Variants in BOLL observed in about 807,000 individuals in gnomAD.
The protein encoded by BOLL is protein boule-like.
A neutral mutation model predicts 44.4 loss-of-function variants in BOLL; 23 were observed. That is an observed-to-expected ratio of 0.52 (90% confidence interval 0.37 to 0.73). The LOEUF (loss-of-function observed/expected upper bound fraction) is 0.73, where lower values mean the gene tolerates loss of function less well. BOLL is among the 30% of genes least tolerant of loss of function. The pLI is 0.00. For synonymous variants in BOLL, 97 were observed against 110.8 expected, an observed-to-expected ratio of 0.88 and a Z score of 0.78; for missense variants, 287 against 338.3, an observed-to-expected ratio of 0.85 and a Z score of 1.19.
chr2:197,759,235 C>A (rs1255014912), intron 7 of BOLL, among the ~76,000 whole-genome samples: 1 of 152,166 alleles, frequency 6.6e-6, no homozygotes, highest in Non-Finnish European at 1.5e-5. Flanking sequence ...CACCCAGCCT[C>A]TGCAAACCCT....
In BOLL at chr2:197,780,202, A is replaced by G. The variant is rs183881607; in HGVS notation, c.130-1136T>C. 3.7e-3 allele frequency among the ~76,000 whole-genome samples: 565 copies of G among 152,186 alleles called. 3 individuals are homozygous for G. Among genetic ancestry groups the G allele is most frequent in the African/African-American group, 0.013 (542 of 41,560 alleles). ...TTCTTTAGTGACAAAGAGACAGTCAAGAAAAGTAAGCATTAAGAGGGATAG... is the reference window on the plus strand; with the variant it reads ...TTCTTTAGTGACAAAGAGACAGTCAGGAAAAGTAAGCATTAAGAGGGATAG... On this transcript the variant is annotated intron_variant, in intron 2 of 10. Transcript: ENST00000392296.
At chr2:197,746,399 T>G (rs1026627650) in intron 9 of BOLL, among the ~76,000 whole-genome samples, 1 of 152,300 alleles carries the variant, frequency 6.6e-6, no homozygotes, top group African/African-American at 2.4e-5. Flanking sequence ...TCAACCTTAG[T>G]GTCCATCAAT....
At chr2:197,758,947 C>T in intron 7 of BOLL, 1 of 1,535,776 alleles carries the variant, frequency 6.5e-7, no homozygotes, top group Non-Finnish European at 8.7e-7. Context: ...CTGACCTCAT[C>T]ACATTTGGTA....
intron 9 of BOLL, among the ~76,000 whole-genome samples, chr2:197,750,325 C>T (rs779041891): frequency 7.2e-5 from 11 of 152,072 alleles, no homozygotes; most frequent in African/African-American, 1.4e-4. Context: ...ATGGGCTAAA[C>T]GCCCCAATTA....
At chr2:197,742,863 C>T (rs1191779622) in intron 10 of BOLL, among the ~76,000 whole-genome samples, 198 bp downstream of exon 10, 1 of 151,744 alleles carries the variant, frequency 6.6e-6, no homozygotes, top group Non-Finnish European at 1.5e-5. Context: ...TTTTAAGTTG[C>T]ATATATTACC....
chr2:197,762,726 T>C (rs539083032), intron 7 of BOLL, among the ~76,000 whole-genome samples: 3 of 152,096 alleles, frequency 2.0e-5, no homozygotes, highest in Non-Finnish European at 4.4e-5. Context: ...GACACAACAG[T>C]AGCAGTATTA....
In BOLL at chr2:197,761,633, A is replaced by G. The variant is rs115055076; in HGVS notation, c.553-4233T>C. ...ATAACCCTGAATGCAAATGGGTTAA[A>G]TTCTCCATTTAAAAGATAGAGACTA... On this transcript the variant is annotated intron_variant, in intron 7 of 10. Coordinates refer to ENST00000392296, the MANE Select transcript of BOLL (RefSeq NM_033030.6). Among the ~76,000 whole-genome samples the G allele has an allele frequency of 4.0e-3, 611 of 152,310 alleles. 3 individuals carry two copies. Among genetic ancestry groups the G allele is most frequent in the African/African-American group, 0.014 (588 of 41,566 alleles).
At chr2:197,731,996 C>A (rs1484377982) in intron 10 of BOLL, among the ~76,000 whole-genome samples, 1 of 149,864 alleles carries the variant, frequency 6.7e-6, no homozygotes. Context: ...ACAAAAAACC[C>A]TTCAAAAAAT....
rs1395749494 is a variant in BOLL, at chr2:197,781,605, C to A, written c.129+117G>T. 1.6e-5 allele frequency: 17 copies of A among 1,064,152 alleles called. No homozygotes were observed. The Admixed American group carries it at 4.5e-4, about 28-fold the overall frequency. The allele number at this position is 1,064,152 out of a possible 1,614,324, so 65.9% of individuals were successfully genotyped here. A position where few individuals can be genotyped will look rare whatever the true frequency, so the allele number is the denominator to read the frequency against. On this transcript the variant is annotated intron_variant, in intron 2 of 10. Transcript: ENST00000392296. ...AAAGATTCTTTATAATAAGATAATTCAAAATCTGTTAATCATTATGCAAAT... is the reference window on the plus strand; with the variant it reads ...AAAGATTCTTTATAATAAGATAATTAAAAATCTGTTAATCATTATGCAAAT...
chr2:197,771,958 C>A lies in BOLL; in HGVS notation c.377G>T (p.Gly126Val). The change falls in exon 6 of 11, where the codon GGA becomes GTA. Residue 126 changes from glycine (G) to valine (V), a missense_variant. Transcript: ENST00000392296. ...IPRSSIMPAA[G>V]TMYLTTSTGY... ...AGTTGAAGTTGTTAGATACATTGTTCCAGCTGCTGGCATTATACTAGAACC... is the reference window on the plus strand; with the variant it reads ...AGTTGAAGTTGTTAGATACATTGTTACAGCTGCTGGCATTATACTAGAACC... 3 of 1,586,710 alleles carry A rather than the reference C, an allele frequency of 1.9e-6. No individual in the cohort carries two copies. Among genetic ancestry groups the A allele is most frequent in the South Asian group, 1.1e-5 (1 of 87,140 alleles).
At chr2:197,772,619 T>C (rs1689318449) in intron 5 of BOLL, among the ~76,000 whole-genome samples, 2 of 151,944 alleles carry the variant, frequency 1.3e-5, no homozygotes, top group Non-Finnish European at 2.9e-5. Context: ...TGACCGCAAG[T>C]CTTCATGTGG....
At chr2:197,784,821 C>T (rs1242100273) in intron 1 of BOLL, 19 of 987,428 alleles carry the variant, frequency 1.9e-5, no homozygotes, top group Non-Finnish European at 2.3e-5. Flanking sequence ...AGTTAAACAA[C>T]AAAGAAAGCC....
At chr2:197,740,312 C>T (rs1687673075) in intron 10 of BOLL, among the ~76,000 whole-genome samples, 1 of 152,090 alleles carries the variant, frequency 6.6e-6, no homozygotes, top group South Asian at 2.1e-4. Context: ...ACTATGCCTA[C>T]CTTCCTCACC....
intron 9 of BOLL, among the ~76,000 whole-genome samples, chr2:197,754,405 C>T (rs182883690): frequency 1.6e-4 from 25 of 152,066 alleles, no homozygotes; most frequent in African/African-American, 5.1e-4. Context: ...ATGTAAAACC[C>T]GAAACTATAG....
chr2:197,769,777 G>A (rs1689155238), intron 6 of BOLL, among the ~76,000 whole-genome samples: 1 of 152,032 alleles, frequency 6.6e-6, no homozygotes, highest in East Asian at 1.9e-4. Context: ...AAAATACCTA[G>A]GAATCCAACT....
At chr2:197,733,137 A>G (rs1687289802) in intron 10 of BOLL, among the ~76,000 whole-genome samples, 1 of 133,784 alleles carries the variant, frequency 7.5e-6, no homozygotes, top group Non-Finnish European at 1.6e-5. Flanking sequence ...ATCAATGTAC[A>G]AAAATCACAA....
At chr2:197,731,221 C>T (rs1250909712) in intron 10 of BOLL, among the ~76,000 whole-genome samples, 1 of 151,764 alleles carries the variant, frequency 6.6e-6, no homozygotes, top group African/African-American at 2.4e-5. Context: ...CAAAGAAGGC[C>T]ATTACATAAT....
chr2:197,752,574 T>C (rs546058426), intron 9 of BOLL, among the ~76,000 whole-genome samples: 102 of 152,236 alleles, frequency 6.7e-4, no homozygotes, highest in South Asian at 1.2e-3. Context: ...GAGAATAAAG[T>C]AGCTAGGAAT....
rs1338031666 is a variant in BOLL, at chr2:197,777,104, G to A, written c.231C>T (p.Phe77=). 5 of 1,556,232 alleles carry A rather than the reference G, an allele frequency of 3.2e-6. No homozygotes were observed. The South Asian group carries it at 3.6e-5, about 11-fold the overall frequency. ...CATCTTCTTGTGTTTCAAAAGTGAC[G>A]AAACCATACCTAAATAAATGCATTA... ...DRAGVSKGYG[F]VTFETQEDAQ... is the part of the protein sequence containing the mutation. Residue 77 remains phenylalanine (F), a synonymous_variant, in exon 4 of 11, where the codon TTC becomes TTT. Coordinates refer to ENST00000392296, the MANE Select transcript of BOLL (RefSeq NM_033030.6).
Sources: allele counts gnomAD v4.1 joint callset (sites outside exome capture counted in the v4.1 genomes callset), GRCh38; gene constraint gnomAD v4.1.1; transcripts MANE v1.5; gene names NCBI Gene and HGNC (gene_info 2026-07-23, HGNC 2026-07-21).